Variants in HDAC8 observed in about 807,000 individuals in gnomAD.
The protein encoded by HDAC8 is histone deacetylase 8, also known as histone deacetylase-like 1.
In HDAC8, 1 loss-of-function variant was observed where a neutral mutation model predicts 32.2. The ratio of observed to expected loss-of-function variants is 0.03; its 90% CI spans 0.01 to 0.15. HDAC8 has a LOEUF of 0.15. Among genes scored for constraint, HDAC8 ranks in the 10% least tolerant of loss-of-function variants. HDAC8 has a pLI of 1.00. For missense variants in HDAC8, 117 were observed against 300.0 expected (o/e 0.39, Z 4.51); for synonymous variants, 108 against 113.9 (o/e 0.95, Z 0.33).
At chrX:72,491,422 T>C (rs2048867219) in intron 5 of HDAC8, among the ~76,000 whole-genome samples, 1 of 112,365 alleles carries the variant, frequency 8.9e-6, no homozygotes, top group South Asian at 3.6e-4. Flanking sequence ...GTGGTTATAG[T>C]TAAAGTCTTG....
At chrX:72,331,003 C>T (rs1398741998) in intron 10 of HDAC8, 2 of 85,538 alleles carry the variant, frequency 2.3e-5, no homozygotes, top group African/African-American at 4.8e-5. Flanking sequence ...CCCAGGCTGT[C>T]GTACAATGGC....
At chrX:72,419,482 C>A (rs1305675162) in intron 9 of HDAC8, among the ~76,000 whole-genome samples, 1 of 111,339 alleles carries the variant, frequency 9.0e-6, no homozygotes, top group Non-Finnish European at 1.9e-5. Context: ...CAGTGTGAAC[C>A]AATGGTAAAT....
chrX:72,361,031 A>G, intron 9 of HDAC8, among the ~76,000 whole-genome samples: 1 of 111,355 alleles, frequency 9.0e-6, no homozygotes, highest in Non-Finnish European at 1.9e-5. Context: ...GGTCAGGGAG[A>G]TAGGGGCTAT....
chrX:72,467,978 A>T (rs1555995772), intron 7 of HDAC8: 1 of 1,192,364 alleles, frequency 8.4e-7, no homozygotes, highest in Non-Finnish European at 1.1e-6. Flanking sequence ...AGGTAGGGAA[A>T]ATGAGTCCTC....
intron 7 of HDAC8, among the ~76,000 whole-genome samples, chrX:72,468,432 C>A (rs1555996036): frequency 1.8e-5 from 2 of 111,293 alleles, no homozygotes; most frequent in Non-Finnish European, 3.8e-5. Context: ...GCCAATTCCT[C>A]CAGAATTCCC....
intron 4 of HDAC8, among the ~76,000 whole-genome samples, chrX:72,537,439 A>T (rs1263015800): frequency 1.8e-5 from 2 of 112,386 alleles, no homozygotes; most frequent in Admixed American, 9.4e-5. Context: ...ATTTCCTGCA[A>T]TTAGTATGCA....
At chrX:72,417,859 A>AT (rs1385914783) in intron 9 of HDAC8, among the ~76,000 whole-genome samples, 5 of 112,003 alleles carry the variant, frequency 4.5e-5, no homozygotes, top group Admixed American at 9.5e-5. Flanking sequence ...TGGTACTGGT[A>AT]TAAAAACAGA....
chrX:72,454,819 T>C (rs1193238003), intron 9 of HDAC8, among the ~76,000 whole-genome samples: 1 of 112,730 alleles, frequency 8.9e-6, no homozygotes, highest in Admixed American at 9.4e-5. Context: ...CCTTGGACAA[T>C]TGACATTGCT....
intron 4 of HDAC8, among the ~76,000 whole-genome samples, chrX:72,522,013 G>A (rs782548705): frequency 9.0e-6 from 1 of 111,587 alleles, no homozygotes; most frequent in Non-Finnish European, 1.9e-5. Context: ...GGAGACTCAG[G>A]TTCGAGAAGG....
At chrX:72,525,609 C>G (rs1481780947) in intron 4 of HDAC8, among the ~76,000 whole-genome samples, 4 of 109,208 alleles carry the variant, frequency 3.7e-5, no homozygotes, top group South Asian at 4.0e-4. Context: ...GTCAGCAGAT[C>G]GAGACCATCC....
intron 7 of HDAC8, among the ~76,000 whole-genome samples, chrX:72,485,271 G>T (rs2048634129): frequency 8.9e-6 from 1 of 111,921 alleles, no homozygotes; most frequent in Admixed American, 9.5e-5. Context: ...AAAATTATGG[G>T]AAGCTTTTGG....
At chrX:72,445,855 C>G (rs1433743688) in intron 9 of HDAC8, among the ~76,000 whole-genome samples, 1 of 111,571 alleles carries the variant, frequency 9.0e-6, no homozygotes, top group Admixed American at 9.5e-5. Context: ...ATAAACAACC[C>G]CATCAAAAAG....
At chrX:72,337,840 T>A (rs1484024017) in intron 10 of HDAC8, among the ~76,000 whole-genome samples, 1 of 112,341 alleles carries the variant, frequency 8.9e-6, no homozygotes, top group African/African-American at 3.2e-5. Context: ...CCTTGCTCAC[T>A]TGAGTCTTCT....
chrX:72,478,934 G>T (rs2048419891), intron 7 of HDAC8, among the ~76,000 whole-genome samples: 1 of 111,072 alleles, frequency 9.0e-6, no homozygotes, highest in Non-Finnish European at 1.9e-5. Flanking sequence ...TGGGATTACC[G>T]GTGTGAGCCA....
chrX:72,511,939 CA>C (rs2049600970), intron 4 of HDAC8, among the ~76,000 whole-genome samples: 1 of 112,004 alleles, frequency 8.9e-6, no homozygotes, highest in Non-Finnish European at 1.9e-5. Flanking sequence ...TTTCTGTAAA[CA>C]AGTAGCTAAA....
intron 4 of HDAC8, among the ~76,000 whole-genome samples, chrX:72,533,467 T>C (rs1285953771): frequency 2.7e-5 from 3 of 111,535 alleles, no homozygotes; most frequent in Non-Finnish European, 5.6e-5. Context: ...GTTATCTACA[T>C]TGTCTCCTAG....
chrX:72,423,743 C>G (rs2046555976), intron 9 of HDAC8, among the ~76,000 whole-genome samples: 1 of 112,049 alleles, frequency 8.9e-6, no homozygotes, highest in Non-Finnish European at 1.9e-5. Flanking sequence ...CATTCTTTGA[C>G]AGAATTATTA....
At chrX:72,569,533 A>G (rs1265909558) in intron 2 of HDAC8, among the ~76,000 whole-genome samples, 1 of 112,521 alleles carries the variant, frequency 8.9e-6, no homozygotes, top group Non-Finnish European at 1.9e-5. Flanking sequence ...AAAAATGGGC[A>G]ACCCAAAATG....
At chrX:72,556,619 A>C (rs1174540741) in intron 4 of HDAC8, among the ~76,000 whole-genome samples, 2 of 112,019 alleles carry the variant, frequency 1.8e-5, no homozygotes, top group South Asian at 7.5e-4. Context: ...TATCAGACAA[A>C]ACAAACTTTA....
Sources: allele counts gnomAD v4.1 joint callset (sites outside exome capture counted in the v4.1 genomes callset), GRCh38; gene constraint gnomAD v4.1.1; transcripts MANE v1.5; gene names NCBI Gene and HGNC (gene_info 2026-07-23, HGNC 2026-07-21).